RMND1: variants seen among roughly 807,000 people sequenced by gnomAD.
The protein encoded by RMND1 is required for meiotic nuclear division protein 1 homolog.
RMND1 carries 41 observed loss-of-function variants against 54.0 expected under a neutral mutation model. The ratio of observed to expected loss-of-function variants is 0.76; its 90% CI spans 0.59 to 0.98. The LOEUF is 0.98. RMND1 is among the 50% of genes least tolerant of loss of function. RMND1 has a pLI of 0.00. For missense variants in RMND1, 457 were observed against 532.0 expected, an observed-to-expected ratio of 0.86 and a Z score of 1.39; for synonymous variants, 183 against 181.7, an observed-to-expected ratio of 1.01 and a Z score of -0.06.
intron 1 of RMND1, chr6:151,446,081 A>G: frequency 2.7e-6 from 1 of 367,802 alleles, no homozygotes. Context: ...CTTAAAAAAA[A>G]TAGTGATGGG....
intron 6 of RMND1, among the ~76,000 whole-genome samples, chr6:151,423,911 G>A (rs1159680286): frequency 1.3e-5 from 2 of 150,766 alleles, no homozygotes; most frequent in African/African-American, 4.9e-5. Flanking sequence ...GCAGTGGTGC[G>A]ATCTCAGCTC....
At position 151,410,041 on chromosome 6, in the gene RMND1, C is replaced by T. The variant is rs149744781; in HGVS notation, c.1201-4205G>A. ...CTTTTTGAGGGGGAATAAAAAACCC[C>T]GCTACTCTTTGTTCCATTTTTTTTT... On this transcript the variant is annotated intron_variant, in intron 10 of 11. Coordinates refer to ENST00000444024, the MANE Select transcript of RMND1 (RefSeq NM_017909.4). 1.3e-4 allele frequency among the ~76,000 whole-genome samples: 20 copies of T among 150,430 alleles called. 1 individual carries two copies. In the East Asian group the frequency reaches 3.2e-3, roughly 24 times the overall value.
At chr6:151,443,820 C>A (rs3800276) in intron 2 of RMND1, among the ~76,000 whole-genome samples, 18,467 of 152,194 alleles carry the variant, frequency 0.12, 1,932 homozygotes, top group African/African-American at 0.28. Context: ...TCTCCCACAA[C>A]AATAAACAAC....
At chr6:151,445,219 C>T (rs1447863387) in intron 2 of RMND1, 89 bp downstream of exon 2, 9 of 1,367,820 alleles carry the variant, frequency 6.6e-6, no homozygotes, top group East Asian at 4.7e-5. Context: ...AGTTCTCTTA[C>T]GTTGGCGGTA....
chr6:151,419,360 T>A (rs1253314080), intron 9 of RMND1, among the ~76,000 whole-genome samples: 6 of 151,948 alleles, frequency 3.9e-5, no homozygotes, highest in African/African-American at 1.4e-4. Context: ...CCACCGTGCC[T>A]GGCCTTACAC....
At chr6:151,441,258 A>G (rs1393793675) in intron 2 of RMND1, among the ~76,000 whole-genome samples, 1 of 152,152 alleles carries the variant, frequency 6.6e-6, no homozygotes, top group Non-Finnish European at 1.5e-5. Flanking sequence ...TGTTACAGCA[A>G]TGTTGCTTCT....
At chr6:151,447,457 TA>T (rs1780989768) in intron 1 of RMND1, among the ~76,000 whole-genome samples, 1 of 152,190 alleles carries the variant, frequency 6.6e-6, no homozygotes, top group Admixed American at 6.5e-5. Context: ...AACTGAGGTT[TA>T]AAGAGGCTAA....
chr6:151,444,305 AAAAGG>A (rs1240239547), intron 2 of RMND1, among the ~76,000 whole-genome samples: 2 of 152,252 alleles, frequency 1.3e-5, no homozygotes, highest in Non-Finnish European at 1.5e-5. Flanking sequence ...AAGCTCCAGC[AAAAGG>A]AAAGGGGAAA....
chr6:151,418,234 C>T (rs1241237162), intron 9 of RMND1, among the ~76,000 whole-genome samples: 4 of 152,024 alleles, frequency 2.6e-5, no homozygotes, highest in Admixed American at 2.6e-4. Flanking sequence ...GACAGCACAG[C>T]GAAACCCTAT....
intron 1 of RMND1, among the ~76,000 whole-genome samples, chr6:151,446,670 A>C (rs1199366549): frequency 6.6e-6 from 1 of 152,148 alleles, no homozygotes; most frequent in Non-Finnish European, 1.5e-5. Context: ...TGGGAGGCTA[A>C]AGGCTGGGGG....
At chr6:151,445,879 T>C in intron 1 of RMND1, 54 bp from the exon 2 acceptor site, 1 of 1,409,008 alleles carries the variant, frequency 7.1e-7, no homozygotes, top group Non-Finnish European at 9.3e-7. Context: ...TTAAAACATA[T>C]ATAATATTTC....
At chr6:151,436,635 C>T in intron 2 of RMND1, 81 bp from the exon 3 acceptor site, 1 of 1,367,440 alleles carries the variant, frequency 7.3e-7, no homozygotes, top group South Asian at 1.3e-5. Flanking sequence ...CTACTGGACT[C>T]CATTCTGCAA....
chr6:151,409,324 G>A (rs564464871), intron 10 of RMND1, among the ~76,000 whole-genome samples: 68 of 152,276 alleles, frequency 4.5e-4, no homozygotes, highest in Non-Finnish European at 8.8e-5. Context: ...TACTTAGAGG[G>A]AACTAAAAAG....
intron 1 of RMND1, among the ~76,000 whole-genome samples, chr6:151,448,260 C>T (rs1781022038): frequency 6.6e-6 from 1 of 152,092 alleles, no homozygotes; most frequent in Non-Finnish European, 1.5e-5. Context: ...TAAGCACCAC[C>T]TCCTATCTTT....
chr6:151,429,631 A>C (rs1780399394), intron 5 of RMND1, among the ~76,000 whole-genome samples: 1 of 152,184 alleles, frequency 6.6e-6, no homozygotes, highest in South Asian at 2.1e-4. Context: ...ATCATCACGA[A>C]TAGTTATGAT....
At chr6:151,450,647 C>T (rs1781140555) in intron 1 of RMND1, among the ~76,000 whole-genome samples, 1 of 150,568 alleles carries the variant, frequency 6.6e-6, no homozygotes, top group African/African-American at 2.4e-5. Context: ...CCCGGCCGCC[C>T]CTACTGGGAT....
intron 1 of RMND1, among the ~76,000 whole-genome samples, chr6:151,447,208 A>C (rs1013271797): frequency 1.3e-5 from 2 of 152,218 alleles, no homozygotes; most frequent in Admixed American, 1.3e-4. Context: ...GGTAAGGACC[A>C]AAAGAGCCGA....
In RMND1 at chr6:151,445,815, C is replaced by T; in HGVS notation, c.-4G>A. The T allele has an allele frequency of 6.3e-7, 1 of 1,592,192 alleles. No homozygotes were observed. Among genetic ancestry groups the T allele is most frequent in the Non-Finnish European group, 8.6e-7 (1 of 1,168,470 alleles). ...CTCTGAGGAGTGTGGCTGGCATTACCACATCCCAAGCTAAAAGAAAAGGAA... is the reference window on the plus strand; with the variant it reads ...CTCTGAGGAGTGTGGCTGGCATTACTACATCCCAAGCTAAAAGAAAAGGAA... On this transcript the variant is annotated 5_prime_UTR_variant, in exon 2 of 12. It introduces an in-frame stop codon into an upstream open reading frame of the 5' UTR. Coordinates refer to ENST00000444024, the MANE Select transcript of RMND1 (RefSeq NM_017909.4).
chr6:151,424,226 C>T (rs1006004816), intron 6 of RMND1, among the ~76,000 whole-genome samples: 20 of 151,972 alleles, frequency 1.3e-4, no homozygotes, highest in Admixed American at 1.3e-4. Flanking sequence ...TCCGGGAGGC[C>T]GAGGCAGGTG....
Sources: allele counts gnomAD v4.1 joint callset (sites outside exome capture counted in the v4.1 genomes callset), GRCh38; gene constraint gnomAD v4.1.1; transcripts MANE v1.5; gene names NCBI Gene and HGNC (gene_info 2026-07-23, HGNC 2026-07-21).